Variants in DNA2 observed in about 807,000 individuals in gnomAD.
DNA2 encodes the protein DNA replication ATP-dependent helicase/nuclease DNA2.
DNA2 carries 101 observed loss-of-function variants against 119.1 expected under a neutral mutation model. The ratio of observed to expected loss-of-function variants is 0.85; its 90% CI spans 0.72 to 1.00. The LOEUF (loss-of-function observed/expected upper bound fraction) is 1.00. DNA2 is among the 50% of genes least tolerant of loss of function. The probability of loss-of-function intolerance (pLI) is 0.00; values close to 1 mark genes in which losing one functional copy is unlikely to be tolerated. For missense variants in DNA2, 1,121 were observed against 1,255.5 expected (o/e 0.89, Z 1.62); for synonymous variants, 366 against 424.4 (o/e 0.86, Z 1.69).
intron 4 of DNA2, among the ~76,000 whole-genome samples, chr10:68,463,171 G>A (rs566501748): frequency 1.3e-5 from 2 of 149,694 alleles, no homozygotes; most frequent in East Asian, 2.0e-4. Context: ...CTGGCCGGAC[G>A]CAGTGGCTCA....
chr10:68,461,789 C>T (rs7910176), intron 4 of DNA2, among the ~76,000 whole-genome samples: 25,914 of 144,414 alleles, frequency 0.18, 2,797 homozygotes, highest in African/African-American at 0.31. Flanking sequence ...GATCATGCCA[C>T]TGCACTCCAG....
chr10:68,428,224 G>C (rs1210968580), intron 14 of DNA2, among the ~76,000 whole-genome samples: 2 of 152,058 alleles, frequency 1.3e-5, no homozygotes, highest in African/African-American at 4.8e-5. Context: ...CTACTCGGGA[G>C]GCTGAGGCAG....
At chr10:68,424,869 G>T (rs1452905653) in intron 14 of DNA2, 2 of 766,190 alleles carry the variant, frequency 2.6e-6, no homozygotes, top group South Asian at 1.4e-5. Context: ...CCCAAACAAG[G>T]TGGTTATCAC....
chr10:68,417,465 T>A (rs1397146529), intron 19 of DNA2, among the ~76,000 whole-genome samples: 2 of 127,824 alleles, frequency 1.6e-5, no homozygotes, highest in Admixed American at 8.5e-5. Context: ...GAGTTGCCCA[T>A]AAGCCCGGGC....
chr10:68,471,185 C>A (rs1201107779), intron 1 of DNA2, among the ~76,000 whole-genome samples: 1 of 152,144 alleles, frequency 6.6e-6, no homozygotes, highest in East Asian at 1.9e-4. Flanking sequence ...CTTTTGTTAC[C>A]TGACCGTAGG....
rs759999177 is a variant in DNA2 at position 68,468,136 on chromosome 10, C to T, written c.428G>A (p.Ser143Asn). 8 of 1,582,602 alleles carry T rather than the reference C, an allele frequency of 5.1e-6. No homozygotes were observed. Among genetic ancestry groups the T allele is most frequent in the Non-Finnish European group, 1.7e-6 (2 of 1,165,812 alleles). Reference protein sequence around the residue: ...SIRCMRRAVLSETFRSSDPAT... With the variant: ...SIRCMRRAVLNETFRSSDPAT... ...ACTATTATTTACCCTAAAAGTTTCACTCAGGACAGCTCTTCTCATACATCG... is the reference window on the plus strand; with the variant it reads ...ACTATTATTTACCCTAAAAGTTTCATTCAGGACAGCTCTTCTCATACATCG... The change falls in exon 3 of 21, where the codon AGT (serine) becomes AAT (asparagine). Residue 143 changes from serine (S) to asparagine (N), a missense_variant. Ser to Asn is a conservative substitution (Grantham distance 46). Coordinates refer to ENST00000358410, the MANE Select transcript of DNA2 (RefSeq NM_001080449.3).
chr10:68,427,466 C>T (rs1439330043), intron 14 of DNA2, among the ~76,000 whole-genome samples: 1 of 151,890 alleles, frequency 6.6e-6, no homozygotes, highest in Non-Finnish European at 1.5e-5. Flanking sequence ...GAGTTCAAGA[C>T]CAGCCTGGAC....
intron 18 of DNA2, 127 bp from the exon 19 acceptor site, chr10:68,419,340 G>A: frequency 2.8e-6 from 2 of 703,768 alleles, no homozygotes; most frequent in Admixed American, 3.5e-5. Flanking sequence ...CTATCTCAAA[G>A]ACTGAATACA....
intron 2 of DNA2, 30 bp downstream of exon 2, chr10:68,469,945 GATTCAA>G (rs752923755): frequency 2.6e-6 from 4 of 1,565,764 alleles, no homozygotes; most frequent in African/African-American, 1.4e-5. Context: ...GTACCCTTAA[GATTCAA>G]ATCGGTGCTC....
chr10:68,439,368 T>C (rs2051935482), intron 9 of DNA2, among the ~76,000 whole-genome samples: 1 of 151,588 alleles, frequency 6.6e-6, no homozygotes, highest in Non-Finnish European at 1.5e-5. Context: ...CTCCCCAGCC[T>C]GGGGAACATG....
intron 17 of DNA2, among the ~76,000 whole-genome samples, chr10:68,421,013 A>G (rs182930222): frequency 0.029 from 4,392 of 151,156 alleles, 192 homozygotes; most frequent in African/African-American, 0.1. Context: ...ATCTCGGCTC[A>G]CCGCAACCTC....
At chr10:68,442,668 CA>C (rs2051985546) in intron 9 of DNA2, among the ~76,000 whole-genome samples, 1 of 152,082 alleles carries the variant, frequency 6.6e-6, no homozygotes, top group Admixed American at 6.6e-5. Context: ...ATTTTTAAAA[CA>C]AGATTTCTTG....
intron 9 of DNA2, among the ~76,000 whole-genome samples, chr10:68,438,777 T>C (rs910437822): frequency 6.6e-6 from 1 of 152,136 alleles, no homozygotes; most frequent in African/African-American, 2.4e-5. Context: ...CTCATGCCTG[T>C]AATCCCAGCA....
chr10:68,415,081 A>G lies in DNA2; in HGVS notation c.3141T>C (p.His1047=). ...CACCCAATATGTGGCAAAGACTTTC[A>G]TGTTCTCTTGATGGAAGATCAATGA... ...KLIIDLPSRE[H]ESLCHILGDF... The change falls in exon 21 of 21, where the codon CAT becomes CAC. Residue 1047 remains histidine (H), a synonymous_variant. Transcript: ENST00000358410. 6.3e-7 allele frequency: 1 copy of G among 1,577,600 alleles called. No individual in the cohort carries two copies. The highest frequency in any genetic ancestry group is 1.3e-5 in the African/African-American group (1 of 74,460).
At chr10:68,453,407 T>C (rs887887051) in intron 5 of DNA2, among the ~76,000 whole-genome samples, 1 of 151,940 alleles carries the variant, frequency 6.6e-6, no homozygotes, top group Non-Finnish European at 1.5e-5. Context: ...TACAGTACAG[T>C]TGCGGAACAT....
chr10:68,454,298 T>G lies in DNA2; in HGVS notation c.720-4051A>C, dbSNP rs2052156544. 2.6e-5 allele frequency among the ~76,000 whole-genome samples: 4 copies of G among 151,492 alleles called. No individual in the cohort carries two copies. In the South Asian group the frequency reaches 8.3e-4, roughly 31 times the overall value. On this transcript the variant is annotated intron_variant, in intron 5 of 20. Coordinates refer to ENST00000358410, the MANE Select transcript of DNA2 (RefSeq NM_001080449.3). Reference sequence around the variant, plus strand: ...TTGAATAAATGTTTGCAGAATTTATTAACCCAGGATTCTGAGAATCATGCT... The same window carrying G: ...TTGAATAAATGTTTGCAGAATTTATGAACCCAGGATTCTGAGAATCATGCT...
chr10:68,465,497 G>A (rs904324177), intron 4 of DNA2, among the ~76,000 whole-genome samples, 170 bp downstream of exon 4: 1 of 152,052 alleles, frequency 6.6e-6, no homozygotes, highest in Non-Finnish European at 1.5e-5. Flanking sequence ...AGTTCCTGTT[G>A]AGCAATTTCA....
At chr10:68,426,558 G>A (rs568974766) in intron 14 of DNA2, among the ~76,000 whole-genome samples, 29 of 150,144 alleles carry the variant, frequency 1.9e-4, no homozygotes, top group African/African-American at 3.9e-4. Flanking sequence ...TAAATAGGCC[G>A]GGCGTGGTGG....
chr10:68,440,485 G>C (rs1466324328), intron 9 of DNA2, among the ~76,000 whole-genome samples: 1 of 151,816 alleles, frequency 6.6e-6, no homozygotes, highest in Non-Finnish European at 1.5e-5. Flanking sequence ...TTTTAGTAGA[G>C]ATGCGGTTTC....
Sources: allele counts gnomAD v4.1 joint callset (sites outside exome capture counted in the v4.1 genomes callset), GRCh38; gene constraint gnomAD v4.1.1; transcripts MANE v1.5; gene names NCBI Gene and HGNC (gene_info 2026-07-23, HGNC 2026-07-21).